Variants in AOPEP observed in about 807,000 individuals in gnomAD.
The protein encoded by AOPEP is aminopeptidase O.
AOPEP carries 77 observed loss-of-function variants against 98.1 expected under a neutral mutation model. The ratio of observed to expected loss-of-function variants is 0.78; its 90% CI spans 0.65 to 0.95. AOPEP has a LOEUF of 0.95. Among genes scored for constraint, AOPEP ranks in the 40% least tolerant of loss-of-function variants. The probability of loss-of-function intolerance (pLI) is 0.00; values close to 1 mark genes in which losing one functional copy is unlikely to be tolerated. For missense variants in AOPEP, 1,024 were observed against 1,024.7 expected, an observed-to-expected ratio of 1.00 and a Z score of 0.01; for synonymous variants, 346 against 365.3, an observed-to-expected ratio of 0.95 and a Z score of 0.60.
chr9:94,955,627 A>G (rs1438808974), intron 8 of AOPEP, among the ~76,000 whole-genome samples: 2 of 152,120 alleles, frequency 1.3e-5, no homozygotes, highest in African/African-American at 2.4e-5. Flanking sequence ...GGAGTAGAGA[A>G]GAACTGGGTC....
chr9:94,767,648 A>G (rs1002553544), intron 2 of AOPEP, among the ~76,000 whole-genome samples: 2 of 152,192 alleles, frequency 1.3e-5, no homozygotes, highest in Admixed American at 1.3e-4. Flanking sequence ...TATACCCACA[A>G]GCACTTCCAG....
intron 15 of AOPEP, among the ~76,000 whole-genome samples, chr9:95,082,109 C>G (rs890814082): frequency 2.0e-5 from 3 of 152,140 alleles, no homozygotes; most frequent in African/African-American, 7.2e-5. Context: ...CGGCTGCTGC[C>G]TGCTGTGCTC....
At chr9:94,739,140 T>C (rs1024491370) in intron 1 of AOPEP, among the ~76,000 whole-genome samples, 11 of 152,114 alleles carry the variant, frequency 7.2e-5, no homozygotes, top group Admixed American at 6.5e-4. Context: ...CTTCCTCTGC[T>C]CTCAGAGCTG....
chr9:94,956,029 C>CATCATGGA lies in AOPEP; in HGVS notation c.1872+14_1872+15insATCATGGA. 6.9e-7 allele frequency: 1 copy of CATCATGGA among 1,459,378 alleles called. No homozygotes were observed. The highest frequency in any genetic ancestry group is 9.6e-7 in the Non-Finnish European group (1 of 1,040,004). 90.4% of individuals were successfully genotyped at this position (1,459,378 alleles called of 1,614,324 possible). A position where few individuals can be genotyped will look rare whatever the true frequency, so the allele number is the denominator to read the frequency against. ...ATTCTTTCCCAGGTAACTTATGGGTCCTCATGAGTCCATGATGTATGACTG... is the reference window on the plus strand; with the variant it reads ...ATTCTTTCCCAGGTAACTTATGGGTCATCATGGACTCATGAGTCCATGATGTATGACTG... On this transcript the variant is annotated intron_variant, in intron 9 of 16. Transcript: ENST00000375315.
intron 3 of AOPEP, among the ~76,000 whole-genome samples, chr9:94,779,119 A>G (rs1029292583): frequency 9.2e-5 from 14 of 152,232 alleles, no homozygotes; most frequent in African/African-American, 3.4e-4. Context: ...AGATACACGC[A>G]GCTTCTTTAT....
intron 14 of AOPEP, among the ~76,000 whole-genome samples, chr9:95,063,793 G>C (rs928768651): frequency 4.6e-5 from 7 of 152,062 alleles, no homozygotes; most frequent in Non-Finnish European, 1.0e-4. Context: ...TGTCTTCTCC[G>C]GGGTGCTGCT....
chr9:94,903,056 T>G (rs931465138), intron 5 of AOPEP, among the ~76,000 whole-genome samples: 6 of 151,352 alleles, frequency 4.0e-5, no homozygotes, highest in Admixed American at 1.3e-4. Flanking sequence ...TCTTGGCTCA[T>G]TGTAACCTCT....
chr9:95,100,854 T>C, the AOPEP span: 3 of 230,668 alleles, frequency 1.3e-5, no homozygotes, highest in Non-Finnish European at 2.6e-5. Context: ...AGTCTGGAAC[T>C]CCTGGGCTGA....
intron 5 of AOPEP, among the ~76,000 whole-genome samples, chr9:94,898,300 A>T (rs1012233306): frequency 1.3e-5 from 2 of 152,106 alleles, no homozygotes; most frequent in African/African-American, 4.8e-5. Flanking sequence ...TGCACCATTC[A>T]GTGGAATTCT....
intron 5 of AOPEP, among the ~76,000 whole-genome samples, chr9:94,819,442 C>A (rs1240479334): frequency 6.6e-6 from 1 of 152,202 alleles, no homozygotes; most frequent in Non-Finnish European, 1.5e-5. Context: ...GAATGCCTAG[C>A]CCTCTCCGCC....
rs116771580 is a variant in AOPEP, at chr9:94,869,186, G to A, written c.1365-54800G>A. ...AGAGGCTGCAGTGAGCCAAGACTGC[G>A]CCACTTCACTCAAACCTGGGTGACA... On this transcript the variant is annotated intron_variant, in intron 5 of 16. Coordinates refer to ENST00000375315, the MANE Select transcript of AOPEP (RefSeq NM_001193329.3). Among the ~76,000 whole-genome samples the A allele has an allele frequency of 6.6e-3, 1,005 of 152,194 alleles. 15 individuals are homozygous for A. The highest frequency in any genetic ancestry group is 0.023 in the African/African-American group (955 of 41,504).
At chr9:95,110,806 C>T in the AOPEP span, 4 of 1,133,652 alleles carry the variant, frequency 3.5e-6, no homozygotes, top group Admixed American at 1.3e-4. Context: ...GTGCCAATGC[C>T]TTTAATCAAA....
the AOPEP span, chr9:95,142,625 G>C: frequency 1.0e-5 from 1 of 98,798 alleles, no homozygotes; most frequent in Non-Finnish European, 2.3e-5. Flanking sequence ...AAATCTTAGT[G>C]TAAGTATTTG....
the AOPEP span, chr9:95,107,192 C>T: frequency 1.4e-4 from 227 of 1,614,180 alleles, no homozygotes; most frequent in East Asian, 2.9e-3. Flanking sequence ...GTCCTGCTAC[C>T]GTCTGCAGGT....
chr9:94,772,066 G>T (rs1376165723), intron 2 of AOPEP, among the ~76,000 whole-genome samples: 1 of 152,108 alleles, frequency 6.6e-6, no homozygotes, highest in Non-Finnish European at 1.5e-5. Context: ...AATGAAAAAA[G>T]AAAATGAGTT....
intron 5 of AOPEP, among the ~76,000 whole-genome samples, chr9:94,853,914 C>T (rs2043870777): frequency 6.6e-6 from 1 of 152,210 alleles, no homozygotes; most frequent in Non-Finnish European, 1.5e-5. Context: ...TTTTACTTCA[C>T]ACTTGGGCAG....
chr9:94,871,982 T>TG (rs1330837532), intron 5 of AOPEP, among the ~76,000 whole-genome samples: 1 of 152,088 alleles, frequency 6.6e-6, no homozygotes, highest in East Asian at 1.9e-4. Context: ...CACTCCAGCC[T>TG]GGGCAACAGA....
rs1296188432 is a variant in AOPEP, at chr9:94,930,130, CAGG to C, written c.1661+1602_1661+1604del. 6.6e-6 allele frequency among the ~76,000 whole-genome samples: 1 copy of C among 152,180 alleles called. No homozygotes were observed. Among genetic ancestry groups the C allele is most frequent in the East Asian group, 1.9e-4 (1 of 5,190 alleles). On this transcript the variant is annotated intron_variant, in intron 7 of 16. Transcript: ENST00000375315. This position sits in a 1 kb window ranked among gnomAD's most constrained non-coding sequence, Gnocchi z 4.5. ...GCACCACAGGCAGCCGACGGAAAGCCAGGAGAACGGTTGCAGCCTTGCAGTAGT... is the reference window on the plus strand; with the variant it reads ...GCACCACAGGCAGCCGACGGAAAGCCAGAACGGTTGCAGCCTTGCAGTAGT...
rs1355288196 is a variant in AOPEP, at chr9:94,760,222, G to A, written c.439G>A (p.Asp147Asn). 31 of 1,614,032 alleles carry A rather than the reference G, an allele frequency of 1.9e-5. No individual in the cohort carries two copies. The highest frequency in any genetic ancestry group is 2.5e-5 in the Non-Finnish European group (30 of 1,180,034). Residue 147 changes from aspartate (D) to asparagine (N), a missense_variant, in exon 2 of 17, where the codon GAC becomes AAC. By Grantham distance (23) the Asp-to-Asn change is conservative. This residue lies in a region of AOPEP where 440 missense variants were observed against 433.8 expected (regional missense o/e 1.01). Coordinates refer to ENST00000375315, the MANE Select transcript of AOPEP (RefSeq NM_001193329.3). ...GAGTGAGGATTTTTTGCTAGTGTTG[G>A]ACTGCTGTGATTTATCTGTGTTAAA... ...HGSEDFLLVL[D>N]CCDLSVLKVE...
Sources: gnomAD v4.1 joint callset for allele counts (sites outside exome capture counted in the v4.1 genomes callset) on GRCh38, gnomAD v4.1.1 for gene constraint, gnomAD v4.1.1 regional missense constraint, Gnocchi (gnomAD v3.1) non-coding constraint, MANE v1.5 for transcripts, NCBI Gene and HGNC (gene_info 2026-07-23, HGNC 2026-07-21) for gene names.